The following NECAB1 variants were observed in gnomAD, a reference collection of about 807,000 sequenced individuals.
NECAB1 encodes N-terminal EF-hand calcium binding protein 1.
NECAB1 carries 29 observed loss-of-function variants against 57.5 expected under a neutral mutation model. The ratio of observed to expected loss-of-function variants is 0.50; its 90% confidence interval spans 0.38 to 0.69. The LOEUF (loss-of-function observed/expected upper bound fraction) is 0.69. NECAB1 is among the 30% of genes least tolerant of loss of function. The pLI is 0.00. For missense variants in NECAB1, 372 were observed against 413.8 expected (o/e 0.90, Z 0.88); for synonymous variants, 142 against 147.7 (o/e 0.96, Z 0.28).
intron 1 of NECAB1, among the ~76,000 whole-genome samples, chr8:90,792,815 C>G (rs1811597726): frequency 6.6e-6 from 1 of 151,988 alleles, no homozygotes; most frequent in African/African-American, 2.4e-5. Context: ...CCTGCTGTTT[C>G]TGTTTTCTCT....
At chr8:90,936,031 A>G (rs1440330268) in intron 9 of NECAB1, among the ~76,000 whole-genome samples, 1 of 152,178 alleles carries the variant, frequency 6.6e-6, no homozygotes, top group African/African-American at 2.4e-5. Context: ...AGAAGTAACA[A>G]TAAGATATTT....
intron 3 of NECAB1, among the ~76,000 whole-genome samples, chr8:90,868,846 G>A (rs1480148145): frequency 2.0e-5 from 3 of 152,366 alleles, no homozygotes; most frequent in African/African-American, 7.2e-5. Flanking sequence ...TAGAGGAGCT[G>A]AATGTTAATA....
At chr8:90,935,223 T>C (rs960509546) in intron 9 of NECAB1, among the ~76,000 whole-genome samples, 2 of 152,178 alleles carry the variant, frequency 1.3e-5, no homozygotes, top group Non-Finnish European at 2.9e-5. Context: ...ACATGATAGA[T>C]GAAGTTGAGA....
chr8:90,875,989 G>A (rs1239244749), intron 4 of NECAB1, among the ~76,000 whole-genome samples: 7 of 152,050 alleles, frequency 4.6e-5, no homozygotes, highest in Non-Finnish European at 1.0e-4. Context: ...CAGCCTGGGC[G>A]ACAGAGCAAG....
intron 3 of NECAB1, among the ~76,000 whole-genome samples, chr8:90,830,993 A>G (rs915262700): frequency 6.6e-6 from 1 of 152,094 alleles, no homozygotes; most frequent in Non-Finnish European, 1.5e-5. Context: ...CATGTCTTAT[A>G]GGACCAGAGA....
intron 5 of NECAB1, among the ~76,000 whole-genome samples, chr8:90,883,088 G>A (rs1409037364): frequency 6.6e-6 from 1 of 152,070 alleles, no homozygotes; most frequent in African/African-American, 2.4e-5. Context: ...TGTTTTCCTT[G>A]TATTAAGACA....
At chr8:90,841,286 C>A (rs1422941544) in intron 3 of NECAB1, among the ~76,000 whole-genome samples, 2 of 150,708 alleles carry the variant, frequency 1.3e-5, no homozygotes, top group Non-Finnish European at 3.0e-5. Flanking sequence ...AAAAAGGGAC[C>A]AAGTAGTTGA....
chr8:90,863,102 G>A (rs1318498876), intron 3 of NECAB1, among the ~76,000 whole-genome samples: 3 of 151,864 alleles, frequency 2.0e-5, no homozygotes, highest in Non-Finnish European at 4.4e-5. Flanking sequence ...ATACTGATTT[G>A]AAAGAAGAAG....
At chr8:90,906,891 A>ATATATATATATATATG (rs71266150) in intron 5 of NECAB1, among the ~76,000 whole-genome samples, 75 of 113,398 alleles carry the variant, frequency 6.6e-4, no homozygotes, top group African/African-American at 2.9e-3. Flanking sequence ...ATATATATAT[A>ATATATATATATATATG]TATATATATA....
chr8:90,906,995 C>A (rs527761099), intron 5 of NECAB1, among the ~76,000 whole-genome samples: 1 of 149,694 alleles, frequency 6.7e-6, no homozygotes, highest in Non-Finnish European at 1.5e-5. Flanking sequence ...AAGCGATCAT[C>A]CCATCTCAGC....
chr8:90,936,805 AT>A (rs112229787), intron 9 of NECAB1, among the ~76,000 whole-genome samples: 1,920 of 146,070 alleles, frequency 0.013, 18 homozygotes, highest in Non-Finnish European at 0.015. Flanking sequence ...TTTTAAGTCC[AT>A]TTTTTTTTTT....
At chr8:90,925,459 C>A in intron 6 of NECAB1, 76 bp from the exon 7 acceptor site, 1 of 1,511,664 alleles carries the variant, frequency 6.6e-7, no homozygotes. Flanking sequence ...TTATGACTGA[C>A]GCATGAAGAT....
intron 2 of NECAB1, chr8:90,813,219 A>G (rs1285293143): frequency 5.5e-5 from 5 of 91,386 alleles, no homozygotes; most frequent in Middle Eastern, 5.3e-3. Flanking sequence ...AAATAAATAT[A>G]TATATATGTA....
intron 8 of NECAB1, among the ~76,000 whole-genome samples, chr8:90,931,906 AAAAAT>A (rs10635579): frequency 1.3e-4 from 19 of 151,534 alleles, no homozygotes; most frequent in South Asian, 2.1e-4. Flanking sequence ...TCCATCTCAA[AAAAAT>A]AAAATAAAAT....
At chr8:90,930,653 G>A (rs1208230113) in intron 8 of NECAB1, among the ~76,000 whole-genome samples, 1 of 152,142 alleles carries the variant, frequency 6.6e-6, no homozygotes, top group East Asian at 1.9e-4. Flanking sequence ...CCTCTGCCAT[G>A]GTGCCTTTAT....
chr8:90,804,360 C>T (rs117137597), intron 2 of NECAB1, among the ~76,000 whole-genome samples: 3,173 of 150,416 alleles, frequency 0.021, 46 homozygotes, highest in Non-Finnish European at 0.031. Context: ...GCTACAGAGG[C>T]GGGGGAGTGA....
rs115403703 is a variant in NECAB1 at position 90,839,363 on chromosome 8, G to C, written c.233+14538G>C. On this transcript the variant is annotated intron_variant, in intron 3 of 12. Coordinates refer to ENST00000417640, the MANE Select transcript of NECAB1 (RefSeq NM_022351.5). ...TGTATTGCCTATACAAACTGAGCTT[G>C]AGCTTGCTATTCCCTTTCAATGAGG... Among the ~76,000 whole-genome samples the C allele has an allele frequency of 1.4e-3, 217 of 152,260 alleles. 1 individual carries two copies. The highest frequency in any genetic ancestry group is 5.1e-3 in the African/African-American group (212 of 41,550).
Position 90,928,283 on chromosome 8 carries a change from A to G in NECAB1, c.677A>G (p.Asp226Gly), listed in dbSNP as rs1444072808. ...TQINRLQKLI[D>G]RLEKKDLKLE... Reference sequence around the variant, plus strand: ...ATAAATAGACTCCAGAAATTAATTGATAGACTGGAAAAGAAGGTAGGTGCT... The same window carrying G: ...ATAAATAGACTCCAGAAATTAATTGGTAGACTGGAAAAGAAGGTAGGTGCT... Residue 226 changes from aspartate (D) to glycine (G), a missense_variant, in exon 8 of 13, where the codon GAT (aspartate) becomes GGT (glycine). Transcript: ENST00000417640. 8 of 1,607,470 alleles carry G rather than the reference A, an allele frequency of 5.0e-6. No homozygotes were observed. The highest frequency in any genetic ancestry group is 1.7e-4 in the Middle Eastern group (1 of 6,034).
At chr8:90,839,935 C>G (rs902676510) in intron 3 of NECAB1, among the ~76,000 whole-genome samples, 1 of 152,118 alleles carries the variant, frequency 6.6e-6, no homozygotes, top group Non-Finnish European at 1.5e-5. Flanking sequence ...TGGGAGAGGA[C>G]AAGTCTGGAG....
Sources: allele counts gnomAD v4.1 joint callset (sites outside exome capture counted in the v4.1 genomes callset), GRCh38; gene constraint gnomAD v4.1.1; transcripts MANE v1.5; gene names NCBI Gene and HGNC (gene_info 2026-07-23, HGNC 2026-07-21).